The following PADI4 variants were observed in gnomAD, a reference collection of about 807,000 sequenced individuals.
PADI4 encodes the protein peptidyl arginine deiminase 4.
PADI4 carries 62 observed loss-of-function variants against 75.0 expected under a neutral mutation model. The ratio of observed to expected loss-of-function variants is 0.83; its 90% CI spans 0.67 to 1.02. PADI4 has a LOEUF of 1.02. Among genes scored for constraint, PADI4 ranks in the 50% least tolerant of loss-of-function variants. PADI4 has a pLI of 0.00. For missense variants in PADI4, 845 were observed against 850.5 expected, an observed-to-expected ratio of 0.99 and a Z score of 0.08; for synonymous variants, 361 against 348.1, an observed-to-expected ratio of 1.04 and a Z score of -0.41.
chr1:17,334,152 C>T, intron 3 of PADI4, 143 bp downstream of exon 3: 1 of 633,902 alleles, frequency 1.6e-6, no homozygotes, highest in South Asian at 1.9e-5. Flanking sequence ...GCCAGTCAGA[C>T]ATCTGGGAGT....
chr1:17,321,546 C>T (rs2074032823), intron 1 of PADI4, among the ~76,000 whole-genome samples: 1 of 152,180 alleles, frequency 6.6e-6, no homozygotes, highest in Non-Finnish European at 1.5e-5. Context: ...GAGTAAATTG[C>T]CTGTAAGTAA....
rs1438219788 is a variant in PADI4 at position 17,346,070 on chromosome 1, GGCCATGAAA to G, written c.983_991del (p.Met328_Ala330del). ...ACTTCCTGAAGTCAGTGACTACTCTGGCCATGAAAGCCAAGTGCAAGCTGACCATCTGCC... is the reference window on the plus strand; with the variant it reads ...ACTTCCTGAAGTCAGTGACTACTCTGGCCAAGTGCAAGCTGACCATCTGCC... On this transcript the variant is annotated inframe_deletion, in exon 9 of 16. Transcript: ENST00000375448. This position sits in a 1 kb window ranked among gnomAD's most constrained non-coding sequence, Gnocchi z 4.3. 1 of 1,613,816 alleles carries G rather than the reference GGCCATGAAA, an allele frequency of 6.2e-7. No individual in the cohort carries two copies. Among genetic ancestry groups the G allele is most frequent in the Admixed American group, 1.7e-5 (1 of 60,020 alleles).
At chr1:17,350,230 A>T (rs1391038553) in intron 10 of PADI4, among the ~76,000 whole-genome samples, 1 of 129,210 alleles carries the variant, frequency 7.7e-6, no homozygotes, top group Non-Finnish European at 1.7e-5. Context: ...CTTCACACAC[A>T]GTGGTTGTTC....
chr1:17,349,027 T>G (rs940273375), intron 10 of PADI4, among the ~76,000 whole-genome samples: 6 of 152,158 alleles, frequency 3.9e-5, no homozygotes, highest in Non-Finnish European at 8.8e-5. Flanking sequence ...TCAGTTAAAC[T>G]CAACAACTTG....
intron 11 of PADI4, 100 bp downstream of exon 11, chr1:17,354,787 GA>G: frequency 2.6e-6 from 3 of 1,134,712 alleles, no homozygotes; most frequent in Non-Finnish European, 3.7e-6. Context: ...TCCGATTCTA[GA>G]CAGCCCAACA....
At chr1:17,326,904 C>CT (rs140721491) in intron 1 of PADI4, among the ~76,000 whole-genome samples, 1,546 of 132,132 alleles carry the variant, frequency 0.012, 70 homozygotes, top group East Asian at 0.025. Flanking sequence ...GCCTTATATG[C>CT]TTTTTTTTTT....
At chr1:17,353,867 C>G (rs2074712612) in intron 10 of PADI4, among the ~76,000 whole-genome samples, 1 of 152,142 alleles carries the variant, frequency 6.6e-6, no homozygotes, top group Non-Finnish European at 1.5e-5. Context: ...CTCAGGGCCT[C>G]CAGGAGGAAC....
chr1:17,311,679 C>T (rs1004616032), intron 1 of PADI4, among the ~76,000 whole-genome samples: 34 of 152,112 alleles, frequency 2.2e-4, no homozygotes, highest in African/African-American at 7.7e-4. Context: ...CGCCTGCCAC[C>T]ATGCCTGGCT....
rs140284194 is a variant in PADI4 at position 17,353,989 on chromosome 1, C to T, written c.1156-544C>T. ...GCGTGGGGGCTCATGCCTGTAATCCCAGCACTTTGGGAGGTCGAGGCAGAT... is the reference window on the plus strand; with the variant it reads ...GCGTGGGGGCTCATGCCTGTAATCCTAGCACTTTGGGAGGTCGAGGCAGAT... On this transcript the variant is annotated intron_variant, in intron 10 of 15. Transcript: ENST00000375448. 7.2e-3 allele frequency among the ~76,000 whole-genome samples: 1,097 copies of T among 152,018 alleles called. 16 individuals are homozygous for T. The highest frequency in any genetic ancestry group is 0.025 in the African/African-American group (1,045 of 41,444).
intron 1 of PADI4, among the ~76,000 whole-genome samples, chr1:17,324,730 C>T (rs2074091464): frequency 6.6e-6 from 1 of 152,176 alleles, no homozygotes; most frequent in Non-Finnish European, 1.5e-5. Flanking sequence ...ATCCTGTATC[C>T]TCTTCTAGAG....
chr1:17,311,292 C>T (rs2073822459), intron 1 of PADI4, among the ~76,000 whole-genome samples: 1 of 152,006 alleles, frequency 6.6e-6, no homozygotes, highest in African/African-American at 2.4e-5. Flanking sequence ...GTGGCAAAGC[C>T]AGGACTGTCT....
chr1:17,329,385 T>C (rs1444008469), intron 1 of PADI4, among the ~76,000 whole-genome samples: 2 of 152,024 alleles, frequency 1.3e-5, no homozygotes, highest in African/African-American at 4.8e-5. Context: ...TAACTACTAA[T>C]AGACTACTGT....
In PADI4 at chr1:17,312,266, C is replaced by A. The variant is rs542593501; in HGVS notation, c.92+3952C>A. 3.3e-5 allele frequency among the ~76,000 whole-genome samples: 5 copies of A among 151,974 alleles called. No homozygotes were observed. In the South Asian group the frequency reaches 8.3e-4, roughly 25 times the overall value. ...CCTGAGGTCAGGAGTTCGAAACCAGCCTGGACAACATGGTGAAACCCCATC... is the reference window on the plus strand; with the variant it reads ...CCTGAGGTCAGGAGTTCGAAACCAGACTGGACAACATGGTGAAACCCCATC... On this transcript the variant is annotated intron_variant, in intron 1 of 15. Coordinates refer to ENST00000375448, the MANE Select transcript of PADI4 (RefSeq NM_012387.3).
At chr1:17,309,644 C>T (rs1385555410) in intron 1 of PADI4, among the ~76,000 whole-genome samples, 3 of 152,206 alleles carry the variant, frequency 2.0e-5, no homozygotes, top group African/African-American at 7.2e-5. Context: ...GTCTGGGCAT[C>T]GGTGGCCCTA....
Position 17,324,496 on chromosome 1 carries a change from A to G in PADI4, c.93-6473A>G, listed in dbSNP as rs58989243. Among the ~76,000 whole-genome samples, 1,298 of 152,024 alleles carry G rather than the reference A, an allele frequency of 8.5e-3. 24 individuals are homozygous for G. Among genetic ancestry groups the G allele is most frequent in the African/African-American group, 0.03 (1,228 of 41,466 alleles). The stretch of plus-strand genomic sequence containing the variant: ...ATTTTCTTTTTTAATTTTTAAATTG[A>G]TGTTAATTTTTTAAAAAATAGAAAC... On this transcript the variant is annotated intron_variant, in intron 1 of 15. Transcript: ENST00000375448.
At chr1:17,316,100 G>A (rs568713737) in intron 1 of PADI4, among the ~76,000 whole-genome samples, 2 of 152,012 alleles carry the variant, frequency 1.3e-5, no homozygotes, top group East Asian at 1.9e-4. Flanking sequence ...CATTTATGTC[G>A]ATAACACTCC....
At chr1:17,343,517 G>A (rs1156352555) in intron 8 of PADI4, among the ~76,000 whole-genome samples, 1 of 152,192 alleles carries the variant, frequency 6.6e-6, no homozygotes, top group East Asian at 1.9e-4. Flanking sequence ...ACCTTGAACA[G>A]TGAACTCATA....
At chr1:17,322,137 C>A (rs911778126) in intron 1 of PADI4, among the ~76,000 whole-genome samples, 24 of 152,168 alleles carry the variant, frequency 1.6e-4, no homozygotes, top group Non-Finnish European at 2.8e-4. Context: ...ACTTTGAGTT[C>A]TGTCCTTTGT....
Position 17,356,391 on chromosome 1 carries a change from G to A in PADI4, c.1490G>A (p.Cys497Tyr), listed in dbSNP as rs1414032972. The change falls in exon 13 of 16, where the codon TGC (cysteine) becomes TAC (tyrosine). Residue 497 changes from cysteine (C) to tyrosine (Y), a missense_variant. By Grantham distance (194) the Cys-to-Tyr change is radical. Transcript: ENST00000375448. This position sits in a 1 kb window ranked among gnomAD's most constrained non-coding sequence, Gnocchi z 4.1. ...CTGCTCCTGGCCAGCCCCAGGTCCT[G>A]CTACAAACTGTTCCAGGAGCAGCAG... ...FRLLLASPRS[C>Y]YKLFQEQQNE... 2 of 1,613,486 alleles carry A rather than the reference G, an allele frequency of 1.2e-6. No homozygotes were observed. The highest frequency in any genetic ancestry group is 3.3e-5 in the Admixed American group (2 of 59,970).
Sources: allele counts gnomAD v4.1 joint callset (sites outside exome capture counted in the v4.1 genomes callset), GRCh38; gene constraint gnomAD v4.1.1; non-coding constraint Gnocchi (gnomAD v3.1); transcripts MANE v1.5; gene names NCBI Gene and HGNC (gene_info 2026-07-23, HGNC 2026-07-21).